BICD1: variants seen among roughly 807,000 people sequenced by gnomAD.
The protein encoded by BICD1 is BICD cargo adaptor 1.
BICD1 carries 35 observed loss-of-function variants against 92.5 expected under a neutral mutation model. That is an observed-to-expected ratio of 0.38 (90% CI 0.29 to 0.50). The LOEUF (loss-of-function observed/expected upper bound fraction) is 0.50. BICD1 is among the 20% of genes least tolerant of loss of function. The probability of loss-of-function intolerance (pLI) is 0.93; values close to 1 mark genes in which losing one functional copy is unlikely to be tolerated. For synonymous variants in BICD1, 429 were observed against 465.1 expected (o/e 0.92, Z 1.00); for missense variants, 950 against 1,189.8 (o/e 0.80, Z 2.97).
At chr12:32,319,078 T>C (rs1592665976) in intron 4 of BICD1, among the ~76,000 whole-genome samples, 1 of 152,160 alleles carries the variant, frequency 6.6e-6, no homozygotes, top group Admixed American at 6.5e-5. Context: ...CAAGAGCACG[T>C]CATCTGCAAA....
chr12:32,190,781 G>A (rs1944542733), intron 1 of BICD1, among the ~76,000 whole-genome samples: 1 of 152,172 alleles, frequency 6.6e-6, no homozygotes, highest in Non-Finnish European at 1.5e-5. Context: ...TCATCCAATA[G>A]CAGCAGAATA....
intron 1 of BICD1, among the ~76,000 whole-genome samples, chr12:32,188,813 C>T (rs149850942): frequency 0.038 from 5,749 of 151,954 alleles, 370 homozygotes; most frequent in African/African-American, 0.13. Flanking sequence ...CTGCAACCTC[C>T]GCCTCTGGGG....
At position 32,327,381 on chromosome 12, in the gene BICD1, A is replaced by G. The variant is rs1435138666; in HGVS notation, c.1006-80A>G. Reference sequence around the variant, plus strand: ...TCTGCTGCAGTGATTTTAAGTGTATACATGCCCGACTGTGAATGGATTAAG... The same window carrying G: ...TCTGCTGCAGTGATTTTAAGTGTATGCATGCCCGACTGTGAATGGATTAAG... On this transcript the variant is annotated intron_variant, in intron 4 of 9. Transcript: ENST00000652176. 2.7e-6 allele frequency: 4 copies of G among 1,492,268 alleles called. No homozygotes were observed. In the East Asian group the frequency reaches 9.1e-5, roughly 34 times the overall value. 92.4% of individuals were successfully genotyped at this position (1,492,268 alleles called of 1,614,324 possible). A position where few individuals can be genotyped will look rare whatever the true frequency, so the allele number is the denominator to read the frequency against.
chr12:32,334,496 A>C lies in BICD1; in HGVS notation c.2101-20A>C, dbSNP rs1489078295. 1.3e-6 allele frequency: 2 copies of C among 1,588,586 alleles called. No homozygotes were observed. Among genetic ancestry groups the C allele is most frequent in the African/African-American group, 2.7e-5 (2 of 73,762 alleles). Reference sequence around the variant, plus strand: ...TTTTCCTGATATGAAAATTGTAAGCAGTGTGATTTTCTGCTTTAGACAGCT... The same window carrying C: ...TTTTCCTGATATGAAAATTGTAAGCCGTGTGATTTTCTGCTTTAGACAGCT... On this transcript the variant is annotated intron_variant, in intron 5 of 9. Coordinates refer to ENST00000652176, the MANE Select transcript of BICD1 (RefSeq NM_001714.4).
intron 1 of BICD1, among the ~76,000 whole-genome samples, chr12:32,214,536 G>A (rs1379890946): frequency 1.3e-5 from 2 of 151,750 alleles, no homozygotes; most frequent in East Asian, 1.9e-4. Context: ...TTCCTTACTC[G>A]TGGCTTTTTC....
At chr12:32,273,553 C>T (rs555306514) in intron 2 of BICD1, among the ~76,000 whole-genome samples, 19 of 152,274 alleles carry the variant, frequency 1.2e-4, no homozygotes, top group Admixed American at 4.6e-4. Flanking sequence ...ATTATACCCC[C>T]GTCACATTGC....
intron 2 of BICD1, among the ~76,000 whole-genome samples, chr12:32,226,413 C>T (rs554402344): frequency 6.6e-6 from 1 of 152,346 alleles, no homozygotes; most frequent in South Asian, 2.1e-4. Flanking sequence ...GGATTACAGG[C>T]GTTAGCCATC....
intron 9 of BICD1, 75 bp from the exon 10 acceptor site, chr12:32,377,465 C>A: frequency 8.7e-7 from 1 of 1,152,372 alleles, no homozygotes; most frequent in Non-Finnish European, 1.3e-6. Context: ...GCAAAAATAT[C>A]TCGTCTAACC....
At chr12:32,335,662 C>G (rs1230798963) in intron 6 of BICD1, among the ~76,000 whole-genome samples, 1 of 149,900 alleles carries the variant, frequency 6.7e-6, no homozygotes, top group Non-Finnish European at 1.5e-5. Context: ...TTCACTGCAG[C>G]CTGGACATCC....
intron 4 of BICD1, among the ~76,000 whole-genome samples, chr12:32,319,643 T>C (rs1168767926): frequency 6.6e-6 from 1 of 152,122 alleles, no homozygotes; most frequent in Non-Finnish European, 1.5e-5. Context: ...AGTGACGTGA[T>C]CTTGGATCGC....
In BICD1 at chr12:32,215,540, A is replaced by C. The variant is rs79637117; in HGVS notation, c.214-707A>C. ...TGCCAATGTATTAGAAAGCACACTA[A>C]ATGATTGTTTTCTTTTTTGTAAAAT... On this transcript the variant is annotated intron_variant, in intron 1 of 9. Coordinates refer to ENST00000652176, the MANE Select transcript of BICD1 (RefSeq NM_001714.4). Among the ~76,000 whole-genome samples, 119 of 152,284 alleles carry C rather than the reference A, an allele frequency of 7.8e-4. 1 individual carries two copies. In the East Asian group the frequency reaches 0.022, roughly 28 times the overall value.
chr12:32,293,865 C>A, intron 2 of BICD1, 129 bp from the exon 3 acceptor site: 2 of 923,038 alleles, frequency 2.2e-6, no homozygotes, highest in Non-Finnish European at 3.2e-6. Flanking sequence ...AATTGCCATT[C>A]GAAAAAATGC....
intron 2 of BICD1, among the ~76,000 whole-genome samples, chr12:32,220,598 G>A (rs1945487660): frequency 2.0e-5 from 3 of 149,688 alleles, no homozygotes; most frequent in Admixed American, 6.7e-5. Flanking sequence ...GAAACAACAG[G>A]TGCTGGAGAG....
At chr12:32,367,874 A>G in intron 9 of BICD1, 129 bp downstream of exon 9, 2 of 793,124 alleles carry the variant, frequency 2.5e-6, no homozygotes, top group Middle Eastern at 7.1e-4. Context: ...AGTGTGGGCT[A>G]CATAGACACA....
At chr12:32,257,739 A>G (rs1946758952) in intron 2 of BICD1, among the ~76,000 whole-genome samples, 1 of 152,246 alleles carries the variant, frequency 6.6e-6, no homozygotes, top group South Asian at 2.1e-4. Context: ...AACGGAAATT[A>G]CTATCCACAG....
intron 2 of BICD1, among the ~76,000 whole-genome samples, chr12:32,229,699 C>T (rs186806776): frequency 6.6e-6 from 1 of 152,166 alleles, no homozygotes; most frequent in Non-Finnish European, 1.5e-5. Flanking sequence ...AGAATAGAAG[C>T]GTTTTTCATG....
chr12:32,236,606 C>G (rs1298512589), intron 2 of BICD1, among the ~76,000 whole-genome samples: 1 of 151,388 alleles, frequency 6.6e-6, no homozygotes, highest in African/African-American at 2.4e-5. Context: ...ACATCTCTCA[C>G]TTTAAATCAA....
intron 3 of BICD1, among the ~76,000 whole-genome samples, chr12:32,304,756 A>G (rs1339643812): frequency 6.6e-6 from 1 of 152,208 alleles, no homozygotes; most frequent in Non-Finnish European, 1.5e-5. Flanking sequence ...AGTGGCTCAC[A>G]CATATAATCC....
intron 3 of BICD1, among the ~76,000 whole-genome samples, chr12:32,298,003 G>T (rs1003422090): frequency 6.6e-6 from 1 of 151,880 alleles, no homozygotes; most frequent in African/African-American, 2.4e-5. Context: ...GCAACATAGG[G>T]AGACCTCATC....
Sources: allele counts gnomAD v4.1 joint callset (sites outside exome capture counted in the v4.1 genomes callset), GRCh38; gene constraint gnomAD v4.1.1; transcripts MANE v1.5; gene names NCBI Gene and HGNC (gene_info 2026-07-23, HGNC 2026-07-21).